The following PRKAR1A variants were observed in gnomAD, a reference collection of about 807,000 sequenced individuals.
PRKAR1A encodes the protein protein kinase cAMP-dependent type I regulatory subunit alpha, also known as cAMP-dependent protein kinase type I-alpha regulatory subunit.
A neutral mutation model predicts 52.0 loss-of-function variants in PRKAR1A; 3 were observed. That is an observed-to-expected ratio of 0.06 (90% CI 0.03 to 0.15). The LOEUF (loss-of-function observed/expected upper bound fraction) is 0.15, where lower values mean the gene tolerates loss of function less well. Ranked by LOEUF, PRKAR1A falls within the 10% of genes least tolerant of loss-of-function variation. PRKAR1A has a pLI of 1.00. For missense variants in PRKAR1A, 240 were observed against 477.4 expected (o/e 0.50, Z 4.63); for synonymous variants, 188 against 168.4 (o/e 1.12, Z -0.90).
chr17:68,542,599 A>G (rs992396036), intron 11 of PRKAR1A: 2 of 930,480 alleles, frequency 2.1e-6, no homozygotes, highest in Non-Finnish European at 3.6e-6. Context: ...GGATAGTGCT[A>G]GCAGCAGGGT....
Position 68,524,053 on chromosome 17 carries a change from G to A in PRKAR1A, c.478G>A (p.Ala160Thr), listed in dbSNP as rs765675434. Residue 160 changes from alanine (A) to threonine (T), a missense_variant, in exon 5 of 11, where the codon GCA becomes ACA. Physicochemically the swap from Ala to Thr is moderately conservative, Grantham distance 58. Coordinates refer to ENST00000589228, the MANE Select transcript of PRKAR1A (RefSeq NM_002734.5). ...FDAMFSVSFI[A>T]GETVIQQGDE... ...TGCCATGTTTTCGGTCTCCTTTATC[G>A]CAGGAGAGACTGTGATTCAGCAAGG... 1.2e-5 allele frequency: 19 copies of A among 1,613,828 alleles called. No individual in the cohort carries two copies. Among genetic ancestry groups the A allele is most frequent in the African/African-American group, 4.0e-5 (3 of 74,880 alleles).
At chr17:68,431,282 C>A in the PRKAR1A span, among the ~76,000 whole-genome samples, 232 of 152,292 alleles carry the variant, frequency 1.5e-3, 1 homozygote, top group Non-Finnish European at 2.0e-3. Context: ...GTTTCCGTGT[C>A]CAGATTTCCT....
At chr17:68,513,251 CCTT>C (rs1208501836) in intron 1 of PRKAR1A, 9 of 152,214 alleles carry the variant, frequency 5.9e-5, no homozygotes, top group Admixed American at 2.6e-4. Flanking sequence ...ATTTTCCTGC[CCTT>C]CTTCTAGAAA....
At chr17:68,426,254 G>GGGGGGGGCCCCCCCCCCC in the PRKAR1A span, 2 of 816,918 alleles carry the variant, frequency 2.4e-6, no homozygotes, top group Non-Finnish European at 3.9e-6. Context: ...GGGAGCGGGG[G>GGGGGGGGCCCCCCCCCCC]CTCAAATAAA....
chr17:68,426,250 G>GGGGGGGGGGGGGGGT, the PRKAR1A span: 1 of 828,060 alleles, frequency 1.2e-6, no homozygotes, highest in Non-Finnish European at 1.9e-6. Context: ...GGTGGGGAGC[G>GGGGGGGGGGGGGGGT]GGGGCTCAAA....
Position 68,531,239 on chromosome 17 carries a change from A to G in PRKAR1A, c.*790A>G. 9.4e-7 allele frequency: 1 copy of G among 1,066,502 alleles called. No individual in the cohort carries two copies. The highest frequency in any genetic ancestry group is 1.1e-6 in the Non-Finnish European group (1 of 879,736). The allele number at this position is 1,066,502 out of a possible 1,614,324, so 66.1% of individuals were successfully genotyped here. ...ACAAATTCCGATTAGACCTTTATCCAGCTAGTGCCAAATAATTGATCAGAT... is the reference window on the plus strand; with the variant it reads ...ACAAATTCCGATTAGACCTTTATCCGGCTAGTGCCAAATAATTGATCAGAT... On this transcript the variant is annotated 3_prime_UTR_variant, in exon 11 of 11. Coordinates refer to ENST00000589228, the MANE Select transcript of PRKAR1A (RefSeq NM_002734.5).
rs1307340553 is a variant in PRKAR1A, at chr17:68,532,164, T to G, written c.*1715T>G. 9.5e-7 allele frequency: 1 copy of G among 1,049,824 alleles called. No homozygotes were observed. Among genetic ancestry groups the G allele is most frequent in the African/African-American group, 1.6e-5 (1 of 60,680 alleles). The allele number at this position is 1,049,824 out of a possible 1,614,324, so 65.0% of individuals were successfully genotyped here. On this transcript the variant is annotated 3_prime_UTR_variant, in exon 11 of 11. Coordinates refer to ENST00000589228, the MANE Select transcript of PRKAR1A (RefSeq NM_002734.5). ...AAAATAATCTATATTAAATGAGGGT[T>G]TCTGATCTGTACTTTGTGTTTAGCT...
At chr17:68,426,008 T>C in the PRKAR1A span, 1 of 1,265,442 alleles carries the variant, frequency 7.9e-7, no homozygotes. Context: ...CTGCCTCTCG[T>C]ATGAGGCGAA....
the PRKAR1A span, among the ~76,000 whole-genome samples, chr17:68,434,052 G>A: frequency 6.6e-6 from 1 of 151,948 alleles, no homozygotes; most frequent in East Asian, 1.9e-4. Flanking sequence ...TTACAGACGT[G>A]AGCCACCGCG....
chr17:68,427,307 A>T, the PRKAR1A span: 1 of 1,340,864 alleles, frequency 7.5e-7, no homozygotes. Flanking sequence ...TCATATATCT[A>T]GGACACCTTC....
chr17:68,542,644 T>A (rs1267470314), intron 11 of PRKAR1A: 2 of 1,420,668 alleles, frequency 1.4e-6, no homozygotes, highest in Non-Finnish European at 2.0e-6. Context: ...GTGGACACTC[T>A]GGCTTACGAT....
chr17:68,530,540 T>TGGCC lies in PRKAR1A; in HGVS notation c.*92_*95dup. The stretch of plus-strand genomic sequence containing the variant: ...TATTTTCCCTACTTGCAGCGCCAAG[T>TGGCC]GGCCACTGGCATCGCAGCTTCCTGT... On this transcript the variant is annotated 3_prime_UTR_variant, in exon 11 of 11. Coordinates refer to ENST00000589228, the MANE Select transcript of PRKAR1A (RefSeq NM_002734.5). 6.2e-7 allele frequency: 1 copy of TGGCC among 1,609,566 alleles called. No individual in the cohort carries two copies. Among genetic ancestry groups the TGGCC allele is most frequent in the Non-Finnish European group, 8.5e-7 (1 of 1,178,296 alleles).
At chr17:68,521,535 AT>A (rs2085610932) in intron 2 of PRKAR1A, among the ~76,000 whole-genome samples, 1 of 152,198 alleles carries the variant, frequency 6.6e-6, no homozygotes, top group African/African-American at 2.4e-5. Flanking sequence ...CCAGTCATGT[AT>A]TCTTAAACTT....
rs528707690 is a variant in PRKAR1A, at chr17:68,532,209, A to G, written c.*1760A>G. 2 of 1,035,518 alleles carry G rather than the reference A, an allele frequency of 1.9e-6. No homozygotes were observed. The highest frequency in any genetic ancestry group is 4.7e-5 in the South Asian group (1 of 21,348). 64.1% of individuals were successfully genotyped at this position (1,035,518 alleles called of 1,614,324 possible). On this transcript the variant is annotated 3_prime_UTR_variant, in exon 11 of 11. Transcript: ENST00000589228. ...TTAGCTACCTTTTTATATTTAAAAA[A>G]TTAAAAATGAAAATTACGTTCTTAC...
chr17:68,447,720 C>A, the PRKAR1A span, among the ~76,000 whole-genome samples: 1 of 152,018 alleles, frequency 6.6e-6, no homozygotes. Flanking sequence ...GGGCCAGGTG[C>A]GGTGGCTCAC....
chr17:68,426,254 G>GGGGGGGGGGGGC, the PRKAR1A span: 1 of 816,924 alleles, frequency 1.2e-6, no homozygotes, highest in South Asian at 1.3e-5. Context: ...GGGAGCGGGG[G>GGGGGGGGGGGGC]CTCAAATAAA....
chr17:68,444,372 C>T, the PRKAR1A span: 1 of 834,648 alleles, frequency 1.2e-6, no homozygotes, highest in Non-Finnish European at 2.0e-6. Context: ...CGAGATAAAC[C>T]TCACTAAGAC....
chr17:68,449,964 T>C, the PRKAR1A span, among the ~76,000 whole-genome samples: 1 of 152,292 alleles, frequency 6.6e-6, no homozygotes, highest in Non-Finnish European at 1.5e-5. Flanking sequence ...TGAGCCAAGA[T>C]TGTGCCACTG....
chr17:68,419,433 G>A, the PRKAR1A span, among the ~76,000 whole-genome samples: 2 of 152,020 alleles, frequency 1.3e-5, no homozygotes, highest in East Asian at 3.9e-4. Context: ...AAAATTAGCC[G>A]AGCGTGGTGG....
Sources: allele counts gnomAD v4.1 joint callset (sites outside exome capture counted in the v4.1 genomes callset), GRCh38; gene constraint gnomAD v4.1.1; transcripts MANE v1.5; gene names NCBI Gene and HGNC (gene_info 2026-07-23, HGNC 2026-07-21).